Variants in DRC11 observed in about 807,000 individuals in gnomAD.
DRC11 encodes IQ and AAA domain-containing protein 1.
the DRC11 span, among the ~76,000 whole-genome samples, chr2:236,436,048 C>A: frequency 6.6e-6 from 1 of 152,190 alleles, no homozygotes; most frequent in Middle Eastern, 3.4e-3. Context: ...GACTTTTTCC[C>A]ACATGCACAC....
the DRC11 span, among the ~76,000 whole-genome samples, chr2:236,327,143 T>C: frequency 6.6e-6 from 1 of 152,238 alleles, no homozygotes; most frequent in Non-Finnish European, 1.5e-5. Flanking sequence ...AACCAGGTCT[T>C]ATAATGATGT....
chr2:236,413,920 C>T, the DRC11 span, among the ~76,000 whole-genome samples: 2 of 152,166 alleles, frequency 1.3e-5, no homozygotes, highest in African/African-American at 4.8e-5. The surrounding 1 kb of genome is among the most constrained non-coding windows in gnomAD (Gnocchi z 4.0). Flanking sequence ...AACTGTGAGA[C>T]AAAGGCGATT....
chr2:236,498,486 G>A, the DRC11 span, among the ~76,000 whole-genome samples: 1 of 151,436 alleles, frequency 6.6e-6, no homozygotes, highest in South Asian at 2.1e-4. Flanking sequence ...AGAGTGAGGT[G>A]AGGTGCAGAC....
chr2:236,386,061 T>A, the DRC11 span, among the ~76,000 whole-genome samples: 9 of 149,628 alleles, frequency 6.0e-5, no homozygotes, highest in African/African-American at 1.7e-4. Context: ...GGATTCGTTT[T>A]GCCAGTATTT....
At chr2:236,366,433 G>C in the DRC11 span, among the ~76,000 whole-genome samples, 2 of 152,178 alleles carry the variant, frequency 1.3e-5, no homozygotes, top group Admixed American at 6.5e-5. Flanking sequence ...ATGTAAATCA[G>C]CCTCCCAAAA....
At chr2:236,383,272 C>T in the DRC11 span, among the ~76,000 whole-genome samples, 3 of 152,048 alleles carry the variant, frequency 2.0e-5, no homozygotes, top group Non-Finnish European at 2.9e-5. Context: ...TGATCTTTTT[C>T]GTTTCTTTGA....
chr2:236,488,184 GGGTATTTCTGC>G, the DRC11 span: 2 of 1,582,582 alleles, frequency 1.3e-6, no homozygotes, highest in Admixed American at 3.7e-5. Flanking sequence ...ACTCTTTACA[GGGTATTTCTGC>G]AAAAAACAGT....
chr2:236,496,878 G>A, the DRC11 span, among the ~76,000 whole-genome samples: 2 of 152,166 alleles, frequency 1.3e-5, no homozygotes, highest in Non-Finnish European at 2.9e-5. This position sits in a 1 kb window ranked among gnomAD's most constrained non-coding sequence, Gnocchi z 6.3. Context: ...CTGGCCCACT[G>A]CATTCCAACA....
the DRC11 span, among the ~76,000 whole-genome samples, chr2:236,356,994 ATATATT>A: frequency 1.5e-4 from 16 of 105,592 alleles, no homozygotes; most frequent in African/African-American, 2.9e-4. Flanking sequence ...TTATATATCT[ATATATT>A]TATATATTCA....
the DRC11 span, among the ~76,000 whole-genome samples, chr2:236,421,704 A>C: frequency 6.6e-6 from 1 of 152,230 alleles, no homozygotes; most frequent in Non-Finnish European, 1.5e-5. Context: ...TCCCTAACTC[A>C]TTTTATGAGG....
At chr2:236,458,790 AATC>A in the DRC11 span, among the ~76,000 whole-genome samples, 4 of 152,208 alleles carry the variant, frequency 2.6e-5, no homozygotes, top group Non-Finnish European at 5.9e-5. Context: ...TTACGCCTGT[AATC>A]CCAGCACTTT....
At chr2:236,481,070 C>T in the DRC11 span, among the ~76,000 whole-genome samples, 1 of 152,194 alleles carries the variant, frequency 6.6e-6, no homozygotes, top group East Asian at 1.9e-4. Context: ...TGGTTTTTGC[C>T]CAGGGGACCT....
chr2:236,368,084 A>G, the DRC11 span: 5 of 740,528 alleles, frequency 6.8e-6, no homozygotes, highest in Admixed American at 4.0e-5. Flanking sequence ...CTCAGTAGGA[A>G]AAGTTAAGGA....
At chr2:236,467,581 C>T in the DRC11 span, among the ~76,000 whole-genome samples, 694 of 152,202 alleles carry the variant, frequency 4.6e-3, 8 homozygotes, top group African/African-American at 0.016. Flanking sequence ...CTATGGCGAA[C>T]ACTGTTGTGC....
At chr2:236,501,040 G>A in the DRC11 span, among the ~76,000 whole-genome samples, 24 of 152,134 alleles carry the variant, frequency 1.6e-4, no homozygotes, top group Middle Eastern at 3.2e-3. Flanking sequence ...ATTGGCTCAC[G>A]GTTCCACAGG....
the DRC11 span, among the ~76,000 whole-genome samples, chr2:236,476,351 A>C: frequency 6.6e-6 from 1 of 151,534 alleles, no homozygotes; most frequent in African/African-American, 2.4e-5. This position sits in a 1 kb window ranked among gnomAD's most constrained non-coding sequence, Gnocchi z 4.7. Context: ...TACTTTTTTG[A>C]ATTTTTTTTA....
the DRC11 span, among the ~76,000 whole-genome samples, chr2:236,318,027 T>C: frequency 6.6e-6 from 1 of 152,356 alleles, no homozygotes; most frequent in East Asian, 1.9e-4. This position sits in a 1 kb window ranked among gnomAD's most constrained non-coding sequence, Gnocchi z 7.0. Context: ...GGAGCCACAC[T>C]GTGTCCTGGA....
chr2:236,426,506 A>C, the DRC11 span, among the ~76,000 whole-genome samples: 1 of 150,200 alleles, frequency 6.7e-6, no homozygotes, highest in South Asian at 2.1e-4. The surrounding 1 kb of genome is among the most constrained non-coding windows in gnomAD (Gnocchi z 4.1). Flanking sequence ...AACTTTACTA[A>C]ATTTGTTCGT....
At chr2:236,492,774 TG>T in the DRC11 span, among the ~76,000 whole-genome samples, 1,712 of 152,268 alleles carry the variant, frequency 0.011, 24 homozygotes, top group African/African-American at 0.039. Context: ...GTAGGCTGCA[TG>T]GGGGATGACT....
Sources: gnomAD v4.1 joint callset for allele counts (sites outside exome capture counted in the v4.1 genomes callset) on GRCh38, gnomAD v4.1.1 for gene constraint, Gnocchi (gnomAD v3.1) non-coding constraint, MANE v1.5 for transcripts, NCBI Gene and HGNC (gene_info 2026-07-23, HGNC 2026-07-21) for gene names.